The following LIFR variants were observed in gnomAD, a reference collection of about 807,000 sequenced individuals.
LIFR encodes LIF receptor subunit alpha.
LIFR carries 84 observed loss-of-function variants against 122.2 expected under a neutral mutation model. The ratio of observed to expected loss-of-function variants is 0.69; its 90% CI spans 0.58 to 0.82. The LOEUF (loss-of-function observed/expected upper bound fraction) is 0.82, where lower values mean the gene tolerates loss of function less well. Among genes scored for constraint, LIFR ranks in the 40% least tolerant of loss-of-function variants. The probability of loss-of-function intolerance (pLI) is 0.00; values close to 1 mark genes in which losing one functional copy is unlikely to be tolerated. For missense variants in LIFR, 1,294 were observed against 1,311.6 expected, an observed-to-expected ratio of 0.99 and a Z score of 0.21; for synonymous variants, 422 against 434.7, an observed-to-expected ratio of 0.97 and a Z score of 0.36.
At position 38,585,131 on chromosome 5, in the gene LIFR, G is replaced by A. The variant is rs530666861; in HGVS notation, c.-20+10130C>T. Among the ~76,000 whole-genome samples the A allele has an allele frequency of 3.3e-5, 5 of 152,256 alleles. No individual in the cohort carries two copies. The South Asian group carries it at 1.0e-3, about 32-fold the overall frequency. ...TTTGTAATAGAATACAAAAGCTAAA[G>A]TTTTACTTAAATCAAAAATTAAAGA... On this transcript the variant is annotated intron_variant, in intron 1 of 19. Coordinates refer to the LIFR transcript ENST00000263409.
At chr5:38,600,347 G>A (rs1750200104), upstream of LIFR, among the ~76,000 whole-genome samples, 1 of 152,112 alleles carries the variant, frequency 6.6e-6, no homozygotes, top group Non-Finnish European at 1.5e-5. Context: ...CTCATATTTG[G>A]CTCAGAATAA....
intron 1 of LIFR, among the ~76,000 whole-genome samples, chr5:38,586,698 C>A (rs903033492): frequency 3.9e-5 from 6 of 152,070 alleles, no homozygotes; most frequent in African/African-American, 1.4e-4. Flanking sequence ...GATGCTTACA[C>A]CTGGAGTGTA....
chr5:38,556,789 C>G (rs968514296), upstream of LIFR: 1 of 148,212 alleles, frequency 6.7e-6, no homozygotes, highest in Non-Finnish European at 1.5e-5. Flanking sequence ...CGCCCGCGCG[C>G]GCGGGTGCTC....
Position 38,588,482 on chromosome 5 carries a change from A to G in LIFR, c.-20+6779T>C, listed in dbSNP as rs73072818. 4.1e-3 allele frequency among the ~76,000 whole-genome samples: 626 copies of G among 152,352 alleles called. 5 individuals are homozygous for G. Among genetic ancestry groups the G allele is most frequent in the African/African-American group, 0.014 (586 of 41,576 alleles). On this transcript the variant is annotated intron_variant, in intron 1 of 19. Coordinates refer to the LIFR transcript ENST00000263409. ...GTTAAAAATCCTCACAGAAGTCAGT[A>G]TTACAGAGAAAAGAAATTAATTTTC...
At chr5:38,580,942 C>T (rs1174617313) in intron 1 of LIFR, among the ~76,000 whole-genome samples, 1 of 152,122 alleles carries the variant, frequency 6.6e-6, no homozygotes, top group Non-Finnish European at 1.5e-5. Context: ...TGGATTCTGG[C>T]ACCCAGACTG....
chr5:38,512,591 G>C (rs1745860095), intron 5 of LIFR, among the ~76,000 whole-genome samples: 1 of 152,152 alleles, frequency 6.6e-6, no homozygotes, highest in South Asian at 2.1e-4. Context: ...AGTGAGCTGA[G>C]ATCATGCAAC....
chr5:38,561,298 T>G (rs914077094), upstream of LIFR, among the ~76,000 whole-genome samples: 1 of 152,252 alleles, frequency 6.6e-6, no homozygotes, highest in Non-Finnish European at 1.5e-5. Context: ...TTGCTATTGT[T>G]GAAAGTAAGT....
intron 5 of LIFR, among the ~76,000 whole-genome samples, chr5:38,520,078 T>C (rs1418961324): frequency 6.6e-6 from 1 of 152,190 alleles, no homozygotes; most frequent in African/African-American, 2.4e-5. Context: ...CTAATTTACA[T>C]TCCCAGTCGC....
chr5:38,515,886 A>C lies in LIFR; in HGVS notation c.562-3922T>G, dbSNP rs569197068. Among the ~76,000 whole-genome samples, 141 of 152,292 alleles carry C rather than the reference A, an allele frequency of 9.3e-4. 1 individual carries two copies. The highest frequency in any genetic ancestry group is 3.2e-3 in the African/African-American group (132 of 41,558). On this transcript the variant is annotated intron_variant, in intron 5 of 19. Transcript: ENST00000453190. ...GACAGACAAGTGCCTCACAAATGAAACATGAATGCAAAGTGTTCTTGATTT... is the reference window on the plus strand; with the variant it reads ...GACAGACAAGTGCCTCACAAATGAACCATGAATGCAAAGTGTTCTTGATTT...
intron 1 of LIFR, among the ~76,000 whole-genome samples, chr5:38,534,046 GA>G (rs1487117150): frequency 6.6e-6 from 1 of 152,188 alleles, no homozygotes; most frequent in South Asian, 2.1e-4. Flanking sequence ...CCATCCACAG[GA>G]GTGGAGATGC....
At position 38,564,307 on chromosome 5, in the gene LIFR, T is replaced by G. The variant is rs574992820; in HGVS notation, c.-20+30954A>C. The stretch of plus-strand genomic sequence containing the variant: ...GCACCATCACAGCTCACTGCAGCCT[T>G]GACCTCCTGGGTTCAGGTGATCCTC... On this transcript the variant is annotated intron_variant, in intron 1 of 19. Coordinates refer to the LIFR transcript ENST00000263409. Among the ~76,000 whole-genome samples the G allele has an allele frequency of 5.0e-4, 76 of 151,906 alleles. 1 individual carries two copies. The highest frequency in any genetic ancestry group is 1.7e-3 in the African/African-American group (72 of 41,422).
chr5:38,605,254 C>T (rs1455635378), intron 2 of LIFR, among the ~76,000 whole-genome samples: 4 of 152,050 alleles, frequency 2.6e-5, no homozygotes, highest in African/African-American at 9.7e-5. Context: ...TGCAGTTTTA[C>T]GGACACTGGG....
At chr5:38,566,003 G>A (rs1452749333) in intron 1 of LIFR, among the ~76,000 whole-genome samples, 1 of 152,166 alleles carries the variant, frequency 6.6e-6, no homozygotes, top group Non-Finnish European at 1.5e-5. Flanking sequence ...AGACTCTGAT[G>A]AAGCTTACGT....
Position 38,482,627 on chromosome 5 carries a change from T to C in LIFR, c.2632A>G (p.Asn878Asp). ...TFYPDIPNPENCKALQFQKSV... is the reference protein window; with the variant it reads ...TFYPDIPNPEDCKALQFQKSV... ...TTTTGAAACTGTAATGCTTTACAGTTTTCTGGATTTGGAATATCAGGGTAG... is the reference window on the plus strand; with the variant it reads ...TTTTGAAACTGTAATGCTTTACAGTCTTCTGGATTTGGAATATCAGGGTAG... The change falls in exon 19 of 20, where the codon AAC (asparagine) becomes GAC (aspartate). Residue 878 changes from asparagine to aspartate, a missense_variant. By Grantham distance (23) the Asn-to-Asp change is conservative. Coordinates refer to ENST00000453190, the MANE Select transcript of LIFR (RefSeq NM_001127671.2). 1 of 1,501,998 alleles carries C rather than the reference T, an allele frequency of 6.7e-7. No individual in the cohort carries two copies. The allele number at this position is 1,501,998 out of a possible 1,614,324, so 93.0% of individuals were successfully genotyped here. A position where few individuals can be genotyped will look rare whatever the true frequency, so the allele number is the denominator to read the frequency against.
In LIFR at chr5:38,481,794, G is replaced by T. The variant is rs772164575; in HGVS notation, c.3095C>A (p.Ala1032Asp). The T allele has an allele frequency of 2.4e-5, 38 of 1,613,970 alleles. No individual in the cohort carries two copies. The South Asian group carries it at 3.8e-4, about 16-fold the overall frequency. The change falls in exon 20 of 20, where the codon GCC (alanine) becomes GAC (aspartate). Residue 1032 changes from alanine to aspartate, a missense_variant. Transcript: ENST00000453190. ...CACTAAATTCCATGTATTTACATTG[G>T]CCTGAGGTCTGTAACCCGCAGTTTT... ...LDKTAGYRPQANVNTWNLVSP... is the reference protein window; with the variant it reads ...LDKTAGYRPQDNVNTWNLVSP...
intron 5 of LIFR, among the ~76,000 whole-genome samples, chr5:38,520,226 T>C (rs1385941048): frequency 6.6e-6 from 1 of 152,200 alleles, no homozygotes; most frequent in Non-Finnish European, 1.5e-5. Flanking sequence ...AGTAGTGATA[T>C]TGAGCATTTT....
intron 1 of LIFR, among the ~76,000 whole-genome samples, chr5:38,567,859 A>G (rs1749078270): frequency 6.6e-6 from 1 of 152,086 alleles, no homozygotes; most frequent in Non-Finnish European, 1.5e-5. Context: ...GCCTGCCATG[A>G]GGTTAATATT....
At chr5:38,560,324 T>A (rs1037016097), upstream of LIFR, among the ~76,000 whole-genome samples, 26 of 152,252 alleles carry the variant, frequency 1.7e-4, no homozygotes, top group African/African-American at 4.1e-4. Flanking sequence ...TTCAAAACTT[T>A]AATTATATCC....
At chr5:38,576,358 A>G (rs367693530) in intron 1 of LIFR, among the ~76,000 whole-genome samples, 2 of 152,260 alleles carry the variant, frequency 1.3e-5, no homozygotes, top group African/African-American at 2.4e-5. Context: ...TTAAAACCTG[A>G]TCATGCCTTT....
Sources: allele counts gnomAD v4.1 joint callset (sites outside exome capture counted in the v4.1 genomes callset), GRCh38; gene constraint gnomAD v4.1.1; transcripts MANE v1.5; gene names NCBI Gene and HGNC (gene_info 2026-07-23, HGNC 2026-07-21).